PLPPR1: variants seen among roughly 807,000 people sequenced by gnomAD.
PLPPR1 encodes phospholipid phosphatase-related protein type 1.
Under a neutral mutation model 33.1 loss-of-function variants are expected in PLPPR1, and 10 were observed. The observed-to-expected ratio is 0.30, with a 90% confidence interval of 0.19 to 0.51. The LOEUF is 0.51. PLPPR1 is among the 20% of genes least tolerant of loss of function. The probability of loss-of-function intolerance (pLI) is 0.97; values close to 1 mark genes in which losing one functional copy is unlikely to be tolerated. For missense variants in PLPPR1, 304 were observed against 408.1 expected (o/e 0.74, Z 2.20); for synonymous variants, 151 against 151.0 (o/e 1.00, Z 0.00).
rs10122854 is a variant in PLPPR1, at chr9:101,303,364, C to T, written c.386-5847C>T. Among the ~76,000 whole-genome samples the T allele has an allele frequency of 5.1e-3, 779 of 152,008 alleles. 11 individuals are homozygous for T. Among genetic ancestry groups the T allele is most frequent in the African/African-American group, 0.018 (748 of 41,426 alleles). ...TTGCCCAGGCTGGAGTGCAATGGCACAATCTCTGCTCACTGCAACCTCTGC... is the reference window on the plus strand; with the variant it reads ...TTGCCCAGGCTGGAGTGCAATGGCATAATCTCTGCTCACTGCAACCTCTGC... On this transcript the variant is annotated intron_variant, in intron 4 of 7. Transcript: ENST00000374874.
intron 2 of PLPPR1, among the ~76,000 whole-genome samples, chr9:101,221,586 C>A (rs998349387): frequency 1.2e-4 from 18 of 152,318 alleles, no homozygotes; most frequent in Admixed American, 5.2e-4. Context: ...CCACACCAGT[C>A]ACATACACCA....
chr9:101,254,240 G>T (rs1454164731), intron 2 of PLPPR1, among the ~76,000 whole-genome samples: 1 of 152,088 alleles, frequency 6.6e-6, no homozygotes, highest in Non-Finnish European at 1.5e-5. Flanking sequence ...GGAGCTCTTA[G>T]CTTGTTTTCC....
At chr9:101,280,646 T>C (rs1414616635) in intron 3 of PLPPR1, among the ~76,000 whole-genome samples, 6 of 152,168 alleles carry the variant, frequency 3.9e-5, no homozygotes, top group Non-Finnish European at 1.5e-5. Flanking sequence ...ATCAATGTGA[T>C]ACATCATATC....
intron 1 of PLPPR1, among the ~76,000 whole-genome samples, chr9:101,095,882 C>T (rs1402261065): frequency 6.6e-6 from 1 of 152,012 alleles, no homozygotes; most frequent in African/African-American, 2.4e-5. Context: ...TGTTGCTGTC[C>T]AAGCCTTTCT....
At chr9:101,152,770 G>A (rs1831607829) in intron 1 of PLPPR1, among the ~76,000 whole-genome samples, 1 of 152,080 alleles carries the variant, frequency 6.6e-6, no homozygotes. Flanking sequence ...CTCTGTTTTG[G>A]TACCAGTACC....
chr9:101,323,559 G>T (rs944254434), intron 7 of PLPPR1, among the ~76,000 whole-genome samples: 21 of 151,874 alleles, frequency 1.4e-4, no homozygotes, highest in Non-Finnish European at 2.5e-4. Flanking sequence ...AGGTAAGGAG[G>T]CCAGGCATGG....
chr9:101,142,190 A>G (rs1421052538), intron 1 of PLPPR1, among the ~76,000 whole-genome samples: 2 of 152,158 alleles, frequency 1.3e-5, no homozygotes, highest in Non-Finnish European at 2.9e-5. Context: ...AACTTGCCCA[A>G]AGTCTTACTG....
At chr9:101,144,107 T>TC (rs1192946768) in intron 1 of PLPPR1, among the ~76,000 whole-genome samples, 1 of 152,164 alleles carries the variant, frequency 6.6e-6, no homozygotes, top group Non-Finnish European at 1.5e-5. Context: ...TGAGTTCACG[T>TC]CCTTTGTAGG....
chr9:101,227,490 T>G (rs1325191288), intron 2 of PLPPR1, among the ~76,000 whole-genome samples: 1 of 151,772 alleles, frequency 6.6e-6, no homozygotes, highest in Non-Finnish European at 1.5e-5. Flanking sequence ...TTGCCCACTT[T>G]TTAATGGGGT....
intron 3 of PLPPR1, among the ~76,000 whole-genome samples, chr9:101,271,268 A>G (rs1828095079): frequency 6.6e-6 from 1 of 152,164 alleles, no homozygotes; most frequent in Non-Finnish European, 1.5e-5. Context: ...TCCCTCCCAT[A>G]CAAAATAAGG....
chr9:101,155,210 T>G (rs1473782913), intron 1 of PLPPR1, among the ~76,000 whole-genome samples: 1 of 152,176 alleles, frequency 6.6e-6, no homozygotes, highest in Non-Finnish European at 1.5e-5. Context: ...AATTTAAATA[T>G]TTATTGATGC....
At chr9:101,316,616 C>CAAATAAAAAAAAAAAAAAA (rs1829054622) in intron 6 of PLPPR1, among the ~76,000 whole-genome samples, 1 of 82,596 alleles carries the variant, frequency 1.2e-5, no homozygotes, top group African/African-American at 5.8e-5. Flanking sequence ...TCTTCTTGGG[C>CAAATAAAAAAAAAAAAAAA]AAAAAAAAAA....
At chr9:101,208,926 C>T (rs1274393329) in intron 2 of PLPPR1, among the ~76,000 whole-genome samples, 3 of 152,184 alleles carry the variant, frequency 2.0e-5, no homozygotes, top group African/African-American at 4.8e-5. Context: ...TTGGTTTCCT[C>T]ATTCACTTAC....
intron 2 of PLPPR1, among the ~76,000 whole-genome samples, chr9:101,186,345 A>G (rs1054489620): frequency 6.6e-5 from 10 of 151,834 alleles, no homozygotes; most frequent in Admixed American, 6.6e-5. Context: ...TTTAGCCTAA[A>G]GATCAGACCT....
chr9:101,234,733 T>G (rs566446129), intron 2 of PLPPR1, among the ~76,000 whole-genome samples: 1 of 152,046 alleles, frequency 6.6e-6, no homozygotes, highest in African/African-American at 2.4e-5. Context: ...TGCCAATTAC[T>G]TAGAAGTGAC....
intron 2 of PLPPR1, among the ~76,000 whole-genome samples, chr9:101,200,709 A>G (rs1385005087): frequency 1.3e-5 from 2 of 152,192 alleles, no homozygotes; most frequent in African/African-American, 4.8e-5. Context: ...ATCCTACCCA[A>G]CCAACGCATT....
chr9:101,233,238 C>T (rs964869171), intron 2 of PLPPR1, among the ~76,000 whole-genome samples: 2 of 152,008 alleles, frequency 1.3e-5, no homozygotes, highest in African/African-American at 4.8e-5. Context: ...TAAACATAGA[C>T]ATGCCAAACT....
chr9:101,038,174 T>G (rs2118411799), intron 1 of PLPPR1, among the ~76,000 whole-genome samples: 1 of 152,260 alleles, frequency 6.6e-6, no homozygotes, highest in South Asian at 2.1e-4. Context: ...ATTTTACTAT[T>G]TACTTTTAGC....
intron 4 of PLPPR1, among the ~76,000 whole-genome samples, chr9:101,296,972 C>T (rs191490660): frequency 3.3e-5 from 5 of 151,828 alleles, no homozygotes; most frequent in Non-Finnish European, 2.9e-5. Context: ...TTTAAAAAAA[C>T]ACTATGAATC....
Sources: gnomAD v4.1 joint callset for allele counts (sites outside exome capture counted in the v4.1 genomes callset) on GRCh38, gnomAD v4.1.1 for gene constraint, MANE v1.5 for transcripts, NCBI Gene and HGNC (gene_info 2026-07-23, HGNC 2026-07-21) for gene names.